CDKAL1: variants seen among roughly 807,000 people sequenced by gnomAD.
CDKAL1 encodes threonylcarbamoyladenosine tRNA methylthiotransferase.
A neutral mutation model predicts 68.2 loss-of-function variants in CDKAL1; 32 were observed. The observed-to-expected ratio is 0.47, with a 90% CI of 0.35 to 0.63. The LOEUF (loss-of-function observed/expected upper bound fraction) is 0.63. Ranked by LOEUF, CDKAL1 falls within the 30% of genes least tolerant of loss-of-function variation. The pLI, the probability that CDKAL1 is intolerant of heterozygous loss-of-function variation, is 0.00. For missense variants in CDKAL1, 606 were observed against 696.7 expected, an observed-to-expected ratio of 0.87 and a Z score of 1.47; for synonymous variants, 234 against 244.3, an observed-to-expected ratio of 0.96 and a Z score of 0.39.
chr6:21,015,035 G>A (rs1359320350), intron 11 of CDKAL1, among the ~76,000 whole-genome samples: 2 of 152,074 alleles, frequency 1.3e-5, no homozygotes, highest in African/African-American at 4.8e-5. Context: ...TCCCTTTTGC[G>A]ATTCTATACC....
intron 8 of CDKAL1, among the ~76,000 whole-genome samples, chr6:20,834,669 C>T (rs941301155): frequency 1.3e-5 from 2 of 152,182 alleles, no homozygotes; most frequent in Admixed American, 1.3e-4. Context: ...ATAGGCAACA[C>T]ATTTCATCAT....
chr6:20,577,767 A>G (rs1476435787), intron 4 of CDKAL1, among the ~76,000 whole-genome samples: 1 of 152,258 alleles, frequency 6.6e-6, no homozygotes, highest in Non-Finnish European at 1.5e-5. Flanking sequence ...AGATGCATTT[A>G]CAAGTCTCTG....
intron 4 of CDKAL1, among the ~76,000 whole-genome samples, chr6:20,597,723 T>C (rs1426568482): frequency 6.6e-6 from 1 of 152,140 alleles, no homozygotes. Flanking sequence ...CCCCATAATT[T>C]TATTAATAGT....
chr6:21,082,740 A>G (rs2150959180), intron 12 of CDKAL1, among the ~76,000 whole-genome samples: 1 of 152,314 alleles, frequency 6.6e-6, no homozygotes, highest in East Asian at 1.9e-4. Flanking sequence ...AGTATCCTTT[A>G]TCTAAGATGA....
intron 4 of CDKAL1, among the ~76,000 whole-genome samples, chr6:20,584,809 T>C (rs1350116946): frequency 6.6e-6 from 1 of 152,214 alleles, no homozygotes; most frequent in Admixed American, 6.5e-5. Context: ...ATACCACTTT[T>C]CCCCGCACCA....
At chr6:20,981,812 G>T (rs1167168386) in intron 10 of CDKAL1, among the ~76,000 whole-genome samples, 1 of 152,204 alleles carries the variant, frequency 6.6e-6, no homozygotes, top group Non-Finnish European at 1.5e-5. Flanking sequence ...CTGCACTCCA[G>T]CCTGGGCAAC....
chr6:20,745,133 T>G (rs959717482), intron 6 of CDKAL1, among the ~76,000 whole-genome samples: 3 of 152,258 alleles, frequency 2.0e-5, no homozygotes, highest in African/African-American at 7.2e-5. Context: ...TCAGGGACTA[T>G]TAGCAGGTTG....
chr6:21,017,511 G>A (rs1340917870), intron 11 of CDKAL1, among the ~76,000 whole-genome samples: 2 of 152,184 alleles, frequency 1.3e-5, no homozygotes, highest in Non-Finnish European at 2.9e-5. Flanking sequence ...GGGAATGGGT[G>A]AAGAAGATGA....
rs866202667 is a variant in CDKAL1, at chr6:20,667,074, A to G, written c.371+17697A>G. Among the ~76,000 whole-genome samples the G allele has an allele frequency of 1.2e-4, 18 of 152,286 alleles. 2 individuals are homozygous for G. In the Middle Eastern group the frequency reaches 0.031, roughly 259 times the overall value. On this transcript the variant is annotated intron_variant, in intron 5 of 15. Coordinates refer to ENST00000274695, the MANE Select transcript of CDKAL1 (RefSeq NM_017774.3). ...CCATTTGGCAGCAAATATCCATTGC[A>G]TTTGATTCAGTTTTCACTGCCCTTG...
At chr6:21,069,074 A>G (rs1771610702) in intron 12 of CDKAL1, among the ~76,000 whole-genome samples, 1 of 152,090 alleles carries the variant, frequency 6.6e-6, no homozygotes, top group Admixed American at 6.5e-5. Context: ...TCTGTAGGGT[A>G]TTTTTTTAGA....
intron 9 of CDKAL1, among the ~76,000 whole-genome samples, chr6:20,945,486 G>A (rs569280322): frequency 3.0e-4 from 45 of 152,206 alleles, no homozygotes; most frequent in African/African-American, 1.0e-3. Flanking sequence ...TGGGTAGTAG[G>A]TTCTTGAGGG....
At chr6:20,693,533 C>A (rs1770967502) in intron 5 of CDKAL1, among the ~76,000 whole-genome samples, 1 of 152,152 alleles carries the variant, frequency 6.6e-6, no homozygotes, top group Non-Finnish European at 1.5e-5. Flanking sequence ...TGACAGAATT[C>A]TATTTCCAGA....
At chr6:20,822,624 G>A (rs909545016) in intron 8 of CDKAL1, among the ~76,000 whole-genome samples, 7 of 152,092 alleles carry the variant, frequency 4.6e-5, no homozygotes, top group Non-Finnish European at 7.4e-5. Context: ...CATGTGTCAC[G>A]GGAGAGTCCA....
intron 5 of CDKAL1, among the ~76,000 whole-genome samples, chr6:20,676,490 AC>A: frequency 6.6e-6 from 1 of 151,930 alleles, no homozygotes; most frequent in Non-Finnish European, 1.5e-5. Flanking sequence ...ACATGGTGAA[AC>A]CCCATCTCTA....
At chr6:20,984,419 G>A (rs1766329561) in intron 10 of CDKAL1, among the ~76,000 whole-genome samples, 1 of 152,120 alleles carries the variant, frequency 6.6e-6, no homozygotes, top group Non-Finnish European at 1.5e-5. Context: ...CTAGGGAGGT[G>A]CCCGAGACCC....
At chr6:20,919,157 A>G (rs1425207334) in intron 9 of CDKAL1, among the ~76,000 whole-genome samples, 1 of 152,222 alleles carries the variant, frequency 6.6e-6, no homozygotes, top group Non-Finnish European at 1.5e-5. Context: ...TGGGGTCTAC[A>G]GCATCATTAG....
intron 13 of CDKAL1, among the ~76,000 whole-genome samples, chr6:21,164,970 A>G (rs766183523): frequency 1.3e-5 from 2 of 152,208 alleles, no homozygotes; most frequent in Non-Finnish European, 2.9e-5. Context: ...TTCTCTTTAA[A>G]CTGAAATGAA....
At chr6:20,577,441 A>G (rs554923481) in intron 4 of CDKAL1, among the ~76,000 whole-genome samples, 5 of 152,282 alleles carry the variant, frequency 3.3e-5, no homozygotes, top group African/African-American at 1.2e-4. Flanking sequence ...CTTTCATAGT[A>G]CTACCCCAGG....
At chr6:20,587,659 A>C (rs1765428432) in intron 4 of CDKAL1, among the ~76,000 whole-genome samples, 1 of 152,216 alleles carries the variant, frequency 6.6e-6, no homozygotes, top group Non-Finnish European at 1.5e-5. Context: ...CTTGAGCCCC[A>C]GATTTTGAGG....
Sources: gnomAD v4.1 joint callset for allele counts (sites outside exome capture counted in the v4.1 genomes callset) on GRCh38, gnomAD v4.1.1 for gene constraint, MANE v1.5 for transcripts, NCBI Gene and HGNC (gene_info 2026-07-23, HGNC 2026-07-21) for gene names.